The following HMG20B variants were observed in gnomAD, a reference collection of about 807,000 sequenced individuals.
The protein encoded by HMG20B is SWI/SNF-related matrix-associated actin-dependent regulator of chromatin subfamily E member 1-related.
Under a neutral mutation model 41.6 loss-of-function variants are expected in HMG20B, and 24 were observed. The observed-to-expected ratio is 0.58, with a 90% CI of 0.42 to 0.81. The LOEUF is 0.81. Among genes scored for constraint, HMG20B ranks in the 30% least tolerant of loss-of-function variants. HMG20B has a pLI of 0.00. For missense variants in HMG20B, 461 were observed against 444.0 expected, an observed-to-expected ratio of 1.04 and a Z score of -0.34; for synonymous variants, 251 against 186.6, an observed-to-expected ratio of 1.34 and a Z score of -2.81.
chr19:3,574,354 C>A, intron 3 of HMG20B, 29 bp from the exon 4 acceptor site: 2 of 1,554,586 alleles, frequency 1.3e-6, no homozygotes, highest in Non-Finnish European at 1.7e-6. Flanking sequence ...GCCAGGCCCC[C>A]CTCCCAACGA....
At chr19:3,573,895 G>C (rs1052163476) in intron 3 of HMG20B, 95 bp downstream of exon 3, 2 of 1,143,290 alleles carry the variant, frequency 1.7e-6, no homozygotes, top group East Asian at 2.5e-5. Flanking sequence ...TTGTGGCTCC[G>C]CCCACAGCCC....
intron 7 of HMG20B, 88 bp from the exon 8 acceptor site, chr19:3,576,803 GA>G: frequency 6.9e-7 from 1 of 1,446,216 alleles, no homozygotes; most frequent in Non-Finnish European, 9.4e-7. Context: ...CGCAGTGAGG[GA>G]AACCTGGGCA....
chr19:3,574,694 G>T, intron 4 of HMG20B, 108 bp downstream of exon 4: 47 of 942,828 alleles, frequency 5.0e-5, no homozygotes, highest in Non-Finnish European at 6.8e-5. Context: ...TCTTCCTGGA[G>T]AAATGCCCAC....
At chr19:3,578,356 C>A (rs930429981) in intron 9 of HMG20B, 153 bp from the exon 10 acceptor site, 1 of 1,244,962 alleles carries the variant, frequency 8.0e-7, no homozygotes, top group Non-Finnish European at 1.1e-6. Context: ...AGGGTGGATC[C>A]CAGCGCCCGG....
At chr19:3,573,198 C>T in intron 1 of HMG20B, 94 bp from the exon 2 acceptor site, 1 of 1,024,678 alleles carries the variant, frequency 9.8e-7, no homozygotes, top group Non-Finnish European at 1.3e-6. Context: ...CCGGGCCCGG[C>T]ATCCCGGGGC....
At chr19:3,574,130 G>T (rs934363830) in intron 3 of HMG20B, 10 of 620,592 alleles carry the variant, frequency 1.6e-5, no homozygotes, top group Admixed American at 1.4e-4. Context: ...GCCCACAACC[G>T]AAGTCAACGC....
At chr19:3,575,812 C>A in intron 5 of HMG20B, 152 bp downstream of exon 5, 1 of 620,978 alleles carries the variant, frequency 1.6e-6, no homozygotes, top group Non-Finnish European at 2.7e-6. Flanking sequence ...GGCGTGGTGG[C>A]GGGTGCCTGT....
In HMG20B at chr19:3,575,557, C is replaced by CGA; in HGVS notation, c.378_379dup (p.Lys127ArgfsTer6). 1 of 1,562,184 alleles carries CGA rather than the reference C, an allele frequency of 6.4e-7. No homozygotes were observed. The highest frequency in any genetic ancestry group is 8.7e-7 in the Non-Finnish European group (1 of 1,153,658). On this transcript the variant is annotated frameshift_variant, in exon 5 of 10. Coordinates refer to ENST00000333651, the MANE Select transcript of HMG20B (RefSeq NM_006339.3). LOFTEE classifies it high-confidence loss of function. ...CCCCCCAGCGGTACCTGGATGAGGCCGAGAGAGAGAAGCAGCAGTACATGA... is the reference window on the plus strand; with the variant it reads ...CCCCCCAGCGGTACCTGGATGAGGCCGAGAGAGAGAGAAGCAGCAGTACATGA...
intron 7 of HMG20B, 36 bp from the exon 8 acceptor site, chr19:3,576,856 G>A (rs2032171843): frequency 6.5e-7 from 1 of 1,548,164 alleles, no homozygotes; most frequent in African/African-American, 1.4e-5. Flanking sequence ...GGGGAAAGGG[G>A]AGGCGCAGGC....
Position 3,578,961 on chromosome 19 carries a change from A to C in HMG20B, c.*440A>C. Reference sequence around the variant, plus strand: ...TGTCCCCCGCATGCCTGTACCCCAGATGGGTGGGGGCCGGCTTTGCCCATC... The same window carrying C: ...TGTCCCCCGCATGCCTGTACCCCAGCTGGGTGGGGGCCGGCTTTGCCCATC... On this transcript the variant is annotated 3_prime_UTR_variant, in exon 10 of 10. Coordinates refer to ENST00000333651, the MANE Select transcript of HMG20B (RefSeq NM_006339.3). The C allele has an allele frequency of 2.7e-6, 1 of 374,874 alleles. No homozygotes were observed. Among genetic ancestry groups the C allele is most frequent in the South Asian group, 2.0e-5 (1 of 48,826 alleles). 23.2% of individuals were successfully genotyped at this position (374,874 alleles called of 1,614,324 possible). A position where few individuals can be genotyped will look rare whatever the true frequency, so the allele number is the denominator to read the frequency against.
intron 3 of HMG20B, chr19:3,574,013 C>G (rs907153453): frequency 1.4e-6 from 1 of 696,674 alleles, no homozygotes; most frequent in Non-Finnish European, 2.6e-6. Flanking sequence ...GCCAGCTCTG[C>G]CCACTCTAAG....
At chr19:3,578,187 C>A in intron 9 of HMG20B, 74 bp downstream of exon 9, 1 of 1,556,536 alleles carries the variant, frequency 6.4e-7, no homozygotes. Flanking sequence ...TCCCCAGGTC[C>A]GCGAGGGCTG....
chr19:3,574,088 G>C, intron 3 of HMG20B: 1 of 636,358 alleles, frequency 1.6e-6, no homozygotes, highest in East Asian at 2.8e-5. Context: ...CCGTTCTCCA[G>C]CAGAAAACCA....
intron 4 of HMG20B, among the ~76,000 whole-genome samples, chr19:3,575,224 T>C (rs993909865): frequency 6.6e-6 from 1 of 152,182 alleles, no homozygotes; most frequent in Non-Finnish European, 1.5e-5. Context: ...AAGTGAGATT[T>C]CAAAGAGAGA....
intron 8 of HMG20B, among the ~76,000 whole-genome samples, 161 bp from the exon 9 acceptor site, chr19:3,577,820 C>G (rs2032204397): frequency 6.6e-6 from 1 of 151,706 alleles, no homozygotes; most frequent in Admixed American, 6.6e-5. Context: ...TCCTCCTGCC[C>G]CGGCTTACCT....
chr19:3,578,206 G>A, intron 9 of HMG20B, 93 bp downstream of exon 9: 1 of 1,505,776 alleles, frequency 6.6e-7, no homozygotes, highest in Non-Finnish European at 9.0e-7. Context: ...TGCTGGGTGG[G>A]ACTCCGCAGC....
rs752000260 is a variant in HMG20B, at chr19:3,578,116, G to A, written c.941+3G>A. The A allele has an allele frequency of 1.9e-6, 3 of 1,610,382 alleles. No homozygotes were observed. Among genetic ancestry groups the A allele is most frequent in the Non-Finnish European group, 1.7e-6 (2 of 1,179,056 alleles). On this transcript the variant is annotated splice_donor_region_variant and intron_variant, in intron 9 of 9. Transcript: ENST00000333651. ...GAAATCCTGGCCCAGGTCGCCAGGT[G>A]TGTGCCGGGCGAGGCGGGGCGGGGC... is the stretch of plus-strand genomic sequence containing the variant.
At chr19:3,573,609 C>T in intron 2 of HMG20B, 83 bp from the exon 3 acceptor site, 2 of 1,248,298 alleles carry the variant, frequency 1.6e-6, no homozygotes, top group Non-Finnish European at 1.1e-6. Flanking sequence ...GCCCCGCCGT[C>T]GGGGGTCAAA....
rs1424573870 is a variant in HMG20B, at chr19:3,572,979, G to T, written c.-34G>T. Reference sequence around the variant, plus strand: ...AGCGTCGCGCAGTCGGGAGGTCCGGGAAAGTTTCTTTGGAGGTGAAAACAG... The same window carrying T: ...AGCGTCGCGCAGTCGGGAGGTCCGGTAAAGTTTCTTTGGAGGTGAAAACAG... On this transcript the variant is annotated 5_prime_UTR_variant, in exon 1 of 10. Transcript: ENST00000333651. The T allele has an allele frequency of 5.1e-5, 16 of 316,534 alleles. No homozygotes were observed. Among genetic ancestry groups the T allele is most frequent in the Non-Finnish European group, 8.8e-5 (15 of 171,284 alleles). The allele number at this position is 316,534 out of a possible 1,614,324, so 19.6% of individuals were successfully genotyped here.
Sources: gnomAD v4.1 joint callset for allele counts (sites outside exome capture counted in the v4.1 genomes callset) on GRCh38, gnomAD v4.1.1 for gene constraint, MANE v1.5 for transcripts, NCBI Gene and HGNC (gene_info 2026-07-23, HGNC 2026-07-21) for gene names.